The following AFF2 variants were observed in gnomAD, a reference collection of about 807,000 sequenced individuals.
AFF2 encodes the protein ALF transcription elongation factor 2.
In AFF2, 14 loss-of-function variants were observed where a neutral mutation model predicts 76.9. That is an observed-to-expected ratio of 0.18 (90% CI 0.12 to 0.28). AFF2 has a LOEUF of 0.28. Ranked by LOEUF, AFF2 falls within the 10% of genes least tolerant of loss-of-function variation. The pLI, the probability that AFF2 is intolerant of heterozygous loss-of-function variation, is 1.00. For missense variants in AFF2, 868 were observed against 1,001.1 expected, an observed-to-expected ratio of 0.87 and a Z score of 1.79; for synonymous variants, 398 against 366.7, an observed-to-expected ratio of 1.09 and a Z score of -0.98.
intron 3 of AFF2, among the ~76,000 whole-genome samples, chrX:148,679,027 T>TAAC (rs1269101813): frequency 9.1e-6 from 1 of 110,274 alleles, no homozygotes; most frequent in African/African-American, 3.3e-5. Flanking sequence ...ATATATTACA[T>TAAC]AACACCGCTG....
At chrX:148,967,214 C>G in intron 14 of AFF2, 135 bp downstream of exon 14, 2 of 934,391 alleles carry the variant, frequency 2.1e-6, no homozygotes, top group Non-Finnish European at 2.9e-6. Context: ...TAAAAGTCCA[C>G]CCCACCCCCT....
intron 13 of AFF2, among the ~76,000 whole-genome samples, chrX:148,966,090 T>C (rs2124383748): frequency 8.9e-6 from 1 of 111,881 alleles, no homozygotes; most frequent in Non-Finnish European, 1.9e-5. Flanking sequence ...CCCTTGTAAG[T>C]ATCTTACCCA....
chrX:148,987,186 A>G (rs1308182105), intron 19 of AFF2, among the ~76,000 whole-genome samples, 181 bp from the exon 20 acceptor site: 1 of 111,536 alleles, frequency 9.0e-6, no homozygotes, highest in Non-Finnish European at 1.9e-5. Flanking sequence ...TACTGTGAGA[A>G]GAGTCAGTGG....
chrX:148,503,542 G>C (rs1409510149), intron 1 of AFF2, among the ~76,000 whole-genome samples: 1 of 112,185 alleles, frequency 8.9e-6, no homozygotes, highest in African/African-American at 3.2e-5. Flanking sequence ...GCTCTGAGCT[G>C]TCTCTACTGC....
At chrX:148,945,093 TG>T (rs2071885121) in intron 9 of AFF2, among the ~76,000 whole-genome samples, 1 of 111,342 alleles carries the variant, frequency 9.0e-6, no homozygotes, top group Non-Finnish European at 1.9e-5. Context: ...ACTACGGCCA[TG>T]GATATAGCCT....
intron 3 of AFF2, among the ~76,000 whole-genome samples, chrX:148,698,183 G>A (rs2054743705): frequency 8.9e-6 from 1 of 112,229 alleles, no homozygotes; most frequent in Non-Finnish European, 1.9e-5. Context: ...TTAACCTTTG[G>A]TAATTAGAAT....
At chrX:148,829,573 A>G (rs2070428485) in intron 4 of AFF2, among the ~76,000 whole-genome samples, 1 of 112,078 alleles carries the variant, frequency 8.9e-6, no homozygotes, top group African/African-American at 3.2e-5. Context: ...TAGTCAATTT[A>G]GTCAGCCGTG....
intron 9 of AFF2, among the ~76,000 whole-genome samples, chrX:148,952,964 A>G (rs2071987325): frequency 9.0e-6 from 1 of 111,308 alleles, no homozygotes; most frequent in African/African-American, 3.3e-5. Context: ...GAATATGCTC[A>G]GCACAGCTAG....
At chrX:148,658,473 C>T (rs1424151337) in intron 2 of AFF2, among the ~76,000 whole-genome samples, 1 of 112,009 alleles carries the variant, frequency 8.9e-6, no homozygotes, top group Non-Finnish European at 1.9e-5. Flanking sequence ...AAGAAAGCTG[C>T]ACGCCTGGAT....
chrX:148,684,221 A>T (rs1438280883), intron 3 of AFF2, among the ~76,000 whole-genome samples: 1 of 112,363 alleles, frequency 8.9e-6, no homozygotes, highest in Non-Finnish European at 1.9e-5. Flanking sequence ...CAAAATTAAG[A>T]ATAGATTATT....
chrX:148,929,812 A>T lies in AFF2; in HGVS notation c.1398-23768A>T, dbSNP rs2071691926. On this transcript the variant is annotated intron_variant, in intron 9 of 20. Coordinates refer to ENST00000370460, the MANE Select transcript of AFF2 (RefSeq NM_002025.4). The stretch of plus-strand genomic sequence containing the variant: ...AGTTCTGGAAGTCCCCAGGGCTCAA[A>T]GCCAGCTCTGAAAGATCCTACAAAA... Among the ~76,000 whole-genome samples the T allele has an allele frequency of 2.7e-5, 3 of 112,042 alleles. No individual in the cohort carries two copies. The South Asian group carries it at 1.1e-3, about 42-fold the overall frequency.
At chrX:148,793,749 T>C (rs1325058916) in intron 3 of AFF2, among the ~76,000 whole-genome samples, 1 of 111,819 alleles carries the variant, frequency 8.9e-6, no homozygotes, top group Non-Finnish European at 1.9e-5. Flanking sequence ...ATTCACATGG[T>C]TATGTGACCT....
chrX:148,934,980 T>C (rs1379955694), intron 9 of AFF2, among the ~76,000 whole-genome samples: 4 of 111,458 alleles, frequency 3.6e-5, no homozygotes, highest in Non-Finnish European at 7.5e-5. Flanking sequence ...TATACATATA[T>C]GGATGGGTGA....
At chrX:148,955,513 A>C (rs187061605) in intron 10 of AFF2, 90 bp from the exon 11 acceptor site, 2 of 990,898 alleles carry the variant, frequency 2.0e-6, no homozygotes, top group Non-Finnish European at 2.8e-6. Flanking sequence ...TTGACATCCA[A>C]AGCTTTTAGT....
intron 7 of AFF2, among the ~76,000 whole-genome samples, chrX:148,873,400 A>T (rs1438101027): frequency 1.8e-5 from 2 of 110,138 alleles, no homozygotes; most frequent in African/African-American, 6.6e-5. Flanking sequence ...TGCACCTCTG[A>T]TCAGCAAGAA....
chrX:148,594,179 T>A (rs2053549073), intron 1 of AFF2, among the ~76,000 whole-genome samples: 1 of 110,237 alleles, frequency 9.1e-6, no homozygotes, highest in Admixed American at 9.7e-5. Context: ...TAAGCATTTG[T>A]GGGCTCTTGT....
intron 3 of AFF2, among the ~76,000 whole-genome samples, chrX:148,795,800 C>CAAAAAAAA (rs146034170): frequency 1.9e-4 from 1 of 5,375 alleles, no homozygotes; most frequent in Non-Finnish European, 4.2e-4. Context: ...GAGACTGTCT[C>CAAAAAAAA]AAAAAAAAAA....
chrX:148,950,974 C>A (rs781905975), intron 9 of AFF2, among the ~76,000 whole-genome samples: 1 of 111,368 alleles, frequency 9.0e-6, no homozygotes, highest in Non-Finnish European at 1.9e-5. Context: ...TTATGTATTC[C>A]TCTTACTGTG....
chrX:148,593,471 G>C (rs1227915713), intron 1 of AFF2, among the ~76,000 whole-genome samples: 1 of 111,754 alleles, frequency 8.9e-6, no homozygotes, highest in East Asian at 2.8e-4. Flanking sequence ...GAATCACTTG[G>C]ATGGACCCTG....
Sources: gnomAD v4.1 joint callset for allele counts (sites outside exome capture counted in the v4.1 genomes callset) on GRCh38, gnomAD v4.1.1 for gene constraint, MANE v1.5 for transcripts, NCBI Gene and HGNC (gene_info 2026-07-23, HGNC 2026-07-21) for gene names.